The following RARB variants were observed in gnomAD, a reference collection of about 807,000 sequenced individuals.
RARB encodes HBV-activated protein.
A neutral mutation model predicts 51.9 loss-of-function variants in RARB; 17 were observed. That is an observed-to-expected ratio of 0.33 (90% confidence interval 0.22 to 0.49). The LOEUF is 0.49. Among genes scored for constraint, RARB ranks in the 20% least tolerant of loss-of-function variants. The pLI is 0.99. For synonymous variants in RARB, 215 were observed against 195.4 expected, an observed-to-expected ratio of 1.10 and a Z score of -0.84; for missense variants, 369 against 550.8, an observed-to-expected ratio of 0.67 and a Z score of 3.30.
intron 5 of RARB, among the ~76,000 whole-genome samples, chr3:25,326,972 A>G (rs1704737892): frequency 6.6e-6 from 1 of 152,044 alleles, no homozygotes; most frequent in Non-Finnish European, 1.5e-5. Context: ...TATATCTCCT[A>G]ATGCTATCCC....
intron 5 of RARB, among the ~76,000 whole-genome samples, chr3:25,303,260 C>T (rs1002093818): frequency 6.6e-6 from 1 of 152,122 alleles, no homozygotes; most frequent in South Asian, 2.1e-4. Context: ...ACCCAAGAAG[C>T]AAAGAAAATT....
intron 2 of RARB, among the ~76,000 whole-genome samples, chr3:24,921,857 T>C (rs756640174): frequency 6.6e-6 from 1 of 152,228 alleles, no homozygotes; most frequent in Non-Finnish European, 1.5e-5. Context: ...TCCTAAGAAA[T>C]TATACATTTC....
intron 4 of RARB, among the ~76,000 whole-genome samples, chr3:25,139,520 A>G (rs1255447184): frequency 6.6e-6 from 1 of 152,184 alleles, no homozygotes; most frequent in Non-Finnish European, 1.5e-5. Context: ...CAAGGCTAAG[A>G]GAGATGAGGA....
intron 3 of RARB, among the ~76,000 whole-genome samples, chr3:25,531,292 A>G (rs1471336530): frequency 6.6e-6 from 1 of 152,116 alleles, no homozygotes; most frequent in Admixed American, 6.5e-5. Context: ...AAAGAGATAC[A>G]AGTGTGGGTA....
At position 25,230,788 on chromosome 3, in the gene RARB, A is replaced by G. The variant is rs59152173; in HGVS notation, c.178+56213A>G. On this transcript the variant is annotated intron_variant, in intron 5 of 11. Transcript: ENST00000383772. ...GACTTCACTGTTATAGTGCTGTTCA[A>G]TAGGGTAGCCACTAGCCACTTGTAG... Among the ~76,000 whole-genome samples, 35 of 152,196 alleles carry G rather than the reference A, an allele frequency of 2.3e-4. 1 individual carries two copies. The highest frequency in any genetic ancestry group is 8.5e-4 in the Admixed American group (13 of 15,272).
At chr3:24,877,188 T>A (rs1008662622) in intron 2 of RARB, among the ~76,000 whole-genome samples, 1 of 152,040 alleles carries the variant, frequency 6.6e-6, no homozygotes, top group Admixed American at 6.6e-5. Flanking sequence ...GCTGGGAACA[T>A]TTCTTAGCTG....
intron 5 of RARB, among the ~76,000 whole-genome samples, chr3:25,350,769 T>A (rs1705542121): frequency 6.6e-6 from 1 of 152,214 alleles, no homozygotes; most frequent in Non-Finnish European, 1.5e-5. Flanking sequence ...CATATGAGAA[T>A]ACGCAGACAT....
chr3:25,121,862 T>C (rs577711099), intron 3 of RARB, among the ~76,000 whole-genome samples: 31 of 152,180 alleles, frequency 2.0e-4, no homozygotes, highest in Non-Finnish European at 4.3e-4. Flanking sequence ...TGGAGGTTCA[T>C]TGAGCTTTTT....
At chr3:24,920,086 C>G (rs1477918280) in intron 2 of RARB, among the ~76,000 whole-genome samples, 2 of 152,170 alleles carry the variant, frequency 1.3e-5, no homozygotes, top group Non-Finnish European at 2.9e-5. Context: ...AAATAAAAAG[C>G]AATTGCATTA....
intron 1 of RARB, among the ~76,000 whole-genome samples, chr3:25,444,551 A>T (rs1394871908): frequency 6.6e-6 from 1 of 152,168 alleles, no homozygotes; most frequent in African/African-American, 2.4e-5. Flanking sequence ...TATGAAACAG[A>T]TGTTTCATGA....
At position 25,514,343 on chromosome 3, in the gene RARB, G is replaced by A. The variant is rs538990004; in HGVS notation, c.448+13020G>A. On this transcript the variant is annotated intron_variant, in intron 3 of 7. Coordinates refer to ENST00000330688, the MANE Select transcript of RARB (RefSeq NM_000965.5). ...CTTTACAGCTGGAAAACAAAGAGTT[G>A]AGCAATTATCTGATGAATTAGATTA... 1.2e-4 allele frequency among the ~76,000 whole-genome samples: 18 copies of A among 152,186 alleles called. No homozygotes were observed. The South Asian group carries it at 3.7e-3, about 32-fold the overall frequency.
At chr3:25,116,286 C>G (rs1011257390) in intron 3 of RARB, among the ~76,000 whole-genome samples, 1 of 152,166 alleles carries the variant, frequency 6.6e-6, no homozygotes. Flanking sequence ...TCGAAATGCT[C>G]TATAAGCAAC....
At chr3:25,258,035 G>T (rs1041347399) in intron 5 of RARB, among the ~76,000 whole-genome samples, 3 of 152,054 alleles carry the variant, frequency 2.0e-5, no homozygotes, top group Non-Finnish European at 4.4e-5. Flanking sequence ...TTATAATGAA[G>T]TTAGGAATCC....
At chr3:24,873,661 T>G (rs1279219528) in intron 2 of RARB, among the ~76,000 whole-genome samples, 2 of 151,616 alleles carry the variant, frequency 1.3e-5, no homozygotes, top group East Asian at 3.9e-4. Flanking sequence ...TTATCAGTCT[T>G]CCCTTTTTTT....
intron 3 of RARB, among the ~76,000 whole-genome samples, chr3:25,546,543 G>A (rs1699624542): frequency 6.6e-6 from 1 of 152,162 alleles, no homozygotes; most frequent in African/African-American, 2.4e-5. Context: ...ATGGGGATCA[G>A]AATGTCAGCA....
chr3:25,350,625 A>G (rs1156975559), intron 5 of RARB, among the ~76,000 whole-genome samples: 1 of 151,878 alleles, frequency 6.6e-6, no homozygotes, highest in African/African-American at 2.4e-5. Context: ...CAAATGTAAA[A>G]CTCCCAGGGG....
At chr3:24,951,377 A>G (rs1053492862) in intron 2 of RARB, among the ~76,000 whole-genome samples, 7 of 152,198 alleles carry the variant, frequency 4.6e-5, no homozygotes, top group Admixed American at 4.6e-4. Flanking sequence ...GCCAGAGAAC[A>G]GGCCACGTGT....
At chr3:25,116,334 T>C (rs2125327299) in intron 3 of RARB, among the ~76,000 whole-genome samples, 1 of 152,284 alleles carries the variant, frequency 6.6e-6, no homozygotes, top group South Asian at 2.1e-4. Context: ...GAAGTCAAAG[T>C]AATCAGCCAC....
chr3:25,054,493 A>T (rs1698398916), intron 2 of RARB, among the ~76,000 whole-genome samples: 1 of 152,144 alleles, frequency 6.6e-6, no homozygotes, highest in South Asian at 2.1e-4. Context: ...GTGAACCATG[A>T]TCTCACTTTG....
Sources: gnomAD v4.1 joint callset for allele counts (sites outside exome capture counted in the v4.1 genomes callset) on GRCh38, gnomAD v4.1.1 for gene constraint, MANE v1.5 for transcripts, NCBI Gene and HGNC (gene_info 2026-07-23, HGNC 2026-07-21) for gene names.